PCDHA5: variants seen among roughly 807,000 people sequenced by gnomAD.
The protein encoded by PCDHA5 is protocadherin alpha-5.
PCDHA5 carries 43 observed loss-of-function variants against 61.6 expected under a neutral mutation model. The ratio of observed to expected loss-of-function variants is 0.70; its 90% confidence interval spans 0.55 to 0.90. The LOEUF (loss-of-function observed/expected upper bound fraction) is 0.90, where lower values mean the gene tolerates loss of function less well. PCDHA5 is among the 40% of genes least tolerant of loss of function. The pLI is 0.00. For missense variants in PCDHA5, 1,298 were observed against 1,222.7 expected, an observed-to-expected ratio of 1.06 and a Z score of -0.92; for synonymous variants, 627 against 543.9, an observed-to-expected ratio of 1.15 and a Z score of -2.13.
At chr5:140,901,539 A>G (rs192107124) in intron 1 of PCDHA5, among the ~76,000 whole-genome samples, 2 of 152,070 alleles carry the variant, frequency 1.3e-5, no homozygotes, top group East Asian at 1.9e-4. Context: ...TTGGTTCTCT[A>G]TTCTGTTCCA....
At chr5:140,850,385 G>A (rs2150481955) in intron 1 of PCDHA5, 4 of 1,598,006 alleles carry the variant, frequency 2.5e-6, no homozygotes, top group South Asian at 1.1e-5. Flanking sequence ...ACACGGGCGA[G>A]ATCAGCACAA....
intron 1 of PCDHA5, chr5:140,852,664 G>A (rs1307508258): frequency 4.1e-6 from 4 of 964,750 alleles, no homozygotes; most frequent in African/African-American, 1.8e-5. Flanking sequence ...CTGTCTATCA[G>A]CACAACTCAC....
chr5:140,842,035 T>C (rs2150327747), intron 1 of PCDHA5: 3 of 1,613,864 alleles, frequency 1.9e-6, no homozygotes, highest in South Asian at 1.1e-5. Context: ...TGAATGATAA[T>C]GCTCCCACTT....
In PCDHA5 at chr5:140,846,520, G is replaced by A. The variant is rs1780530072; in HGVS notation, c.2352+22393G>A. Among the ~76,000 whole-genome samples, 3 of 147,948 alleles carry A rather than the reference G, an allele frequency of 2.0e-5. No homozygotes were observed. In the Admixed American group the frequency reaches 2.0e-4, roughly 10 times the overall value. ...CTCCCAAGTAGCTGGGATTACAGGT[G>A]CATGCCACCATGCCCTGCTAATTTT... On this transcript the variant is annotated intron_variant, in intron 1 of 3. Transcript: ENST00000529859.
chr5:140,935,952 G>C (rs1554210758), intron 1 of PCDHA5, among the ~76,000 whole-genome samples: 3 of 148,522 alleles, frequency 2.0e-5, no homozygotes, highest in Non-Finnish European at 4.4e-5. Flanking sequence ...GAGTAAAGTG[G>C]TACAATCTTG....
chr5:140,870,626 C>G lies in PCDHA5; in HGVS notation c.2352+46499C>G, dbSNP rs782773688. Reference sequence around the variant, plus strand: ...GACCGCGCGCTGTCGAGCTACGTGTCGGTGCACGCGGAGAGCGGCAAGGTG... The same window carrying G: ...GACCGCGCGCTGTCGAGCTACGTGTGGGTGCACGCGGAGAGCGGCAAGGTG... On this transcript the variant is annotated intron_variant, in intron 1 of 3. Coordinates refer to ENST00000529859, the MANE Select transcript of PCDHA5 (RefSeq NM_018908.3). 15 of 1,613,016 alleles carry G rather than the reference C, an allele frequency of 9.3e-6. No individual in the cohort carries two copies. The highest frequency in any genetic ancestry group is 1.1e-5 in the Non-Finnish European group (13 of 1,179,794).
chr5:140,909,066 T>G (rs1554193625), intron 1 of PCDHA5, among the ~76,000 whole-genome samples: 1 of 152,200 alleles, frequency 6.6e-6, no homozygotes, highest in African/African-American at 2.4e-5. Flanking sequence ...GTCTCACCAA[T>G]AAGCCCAGTG....
intron 1 of PCDHA5, among the ~76,000 whole-genome samples, chr5:140,886,264 A>G (rs1471846282): frequency 6.6e-6 from 1 of 151,982 alleles, no homozygotes; most frequent in Non-Finnish European, 1.5e-5. Context: ...CTATTTATAG[A>G]TAAAATTTTT....
chr5:140,992,584 T>G (rs1327367703), intron 3 of PCDHA5, among the ~76,000 whole-genome samples: 1 of 152,194 alleles, frequency 6.6e-6, no homozygotes, highest in Non-Finnish European at 1.5e-5. Context: ...CTGCCTTGTA[T>G]GCATCTAGCG....
At chr5:140,926,782 C>G in intron 1 of PCDHA5, 1 of 1,403,504 alleles carries the variant, frequency 7.1e-7, no homozygotes, top group Non-Finnish European at 9.3e-7. Context: ...GCAGTGACGG[C>G]CGGCAGGAGC....
chr5:140,930,466 T>C (rs2086864823), intron 1 of PCDHA5: 1 of 152,352 alleles, frequency 6.6e-6, no homozygotes. Context: ...CAAGTGATCC[T>C]CCCACCTAGG....
intron 1 of PCDHA5, chr5:140,930,291 C>G (rs529065220): frequency 2.0e-5 from 3 of 152,094 alleles, no homozygotes; most frequent in Non-Finnish European, 4.4e-5. Flanking sequence ...ATACACTTAA[C>G]AAATAAGTAA....
At chr5:140,864,164 C>T (rs80100422) in intron 1 of PCDHA5, 19,126 of 151,926 alleles carry the variant, frequency 0.13, 1,273 homozygotes, top group Middle Eastern at 0.19. Context: ...TAAATCTTAC[C>T]GGAAGGATCA....
rs1383515995 is a variant in PCDHA5 at position 140,856,091 on chromosome 5, C to T, written c.2352+31964C>T. The stretch of plus-strand genomic sequence containing the variant: ...CTGCCTGGGGGTCCAGTGTCTGCTG[C>T]TCTCGCTTCTTCTCCTCGCAGCCTG... On this transcript the variant is annotated intron_variant, in intron 1 of 3. Coordinates refer to ENST00000529859, the MANE Select transcript of PCDHA5 (RefSeq NM_018908.3). 13 of 1,597,006 alleles carry T rather than the reference C, an allele frequency of 8.1e-6. 1 individual carries two copies. The highest frequency in any genetic ancestry group is 1.3e-5 in the African/African-American group (1 of 74,304).
chr5:140,925,395 G>A (rs1451043717), intron 1 of PCDHA5, among the ~76,000 whole-genome samples: 1 of 151,998 alleles, frequency 6.6e-6, no homozygotes, highest in African/African-American at 2.4e-5. Context: ...CTTTTGGCTC[G>A]CCTCCTTCTT....
At chr5:140,860,140 T>C (rs1451807345) in intron 1 of PCDHA5, 2 of 150,358 alleles carry the variant, frequency 1.3e-5, no homozygotes, top group African/African-American at 2.4e-5. Flanking sequence ...TGTGTATATA[T>C]ATGTATATAT....
At chr5:140,882,141 A>G in intron 1 of PCDHA5, 3 of 1,491,636 alleles carry the variant, frequency 2.0e-6, no homozygotes, top group South Asian at 1.4e-5. Flanking sequence ...CAGAAAATAT[A>G]GCAGAAAGCG....
intron 1 of PCDHA5, chr5:140,869,449 G>C (rs1562628506): frequency 9.3e-6 from 15 of 1,614,196 alleles, no homozygotes; most frequent in Non-Finnish European, 1.3e-5. Context: ...GCCGCTGCAG[G>C]TTTTCCATGT....
intron 1 of PCDHA5, among the ~76,000 whole-genome samples, chr5:140,947,315 C>CGGTT (rs1443576978): frequency 4.0e-5 from 6 of 151,444 alleles, no homozygotes; most frequent in African/African-American, 1.5e-4. Flanking sequence ...TGTAAAAAGT[C>CGGTT]GGTTGACCAT....
Sources: gnomAD v4.1 joint callset for allele counts (sites outside exome capture counted in the v4.1 genomes callset) on GRCh38, gnomAD v4.1.1 for gene constraint, MANE v1.5 for transcripts, NCBI Gene and HGNC (gene_info 2026-07-23, HGNC 2026-07-21) for gene names.